The following IKZF1 variants were observed in gnomAD, a reference collection of about 807,000 sequenced individuals.
The protein encoded by IKZF1 is DNA-binding protein Ikaros.
In IKZF1, 10 loss-of-function variants were observed where a neutral mutation model predicts 51.7. The ratio of observed to expected loss-of-function variants is 0.19; its 90% CI spans 0.12 to 0.33. The LOEUF (loss-of-function observed/expected upper bound fraction) is 0.33, where lower values mean the gene tolerates loss of function less well. Among genes scored for constraint, IKZF1 ranks in the 10% least tolerant of loss-of-function variants. The probability of loss-of-function intolerance (pLI) is 1.00; values close to 1 mark genes in which losing one functional copy is unlikely to be tolerated. For missense variants in IKZF1, 484 were observed against 707.5 expected, an observed-to-expected ratio of 0.68 and a Z score of 3.58; for synonymous variants, 280 against 282.3, an observed-to-expected ratio of 0.99 and a Z score of 0.08.
intron 5 of IKZF1, among the ~76,000 whole-genome samples, chr7:50,385,859 C>G (rs575552753): frequency 2.6e-5 from 4 of 152,314 alleles, no homozygotes; most frequent in Admixed American, 2.0e-4. Context: ...GGGGGTACAT[C>G]ACTTTATATA....
intron 4 of IKZF1, among the ~76,000 whole-genome samples, chr7:50,378,425 T>C (rs1409101420): frequency 6.6e-6 from 1 of 152,176 alleles, no homozygotes; most frequent in Admixed American, 6.5e-5. Flanking sequence ...TACCCTGTGA[T>C]AGACACTTAA....
At chr7:50,310,715 G>A (rs996855124) in intron 1 of IKZF1, among the ~76,000 whole-genome samples, 11 of 152,194 alleles carry the variant, frequency 7.2e-5, no homozygotes. Flanking sequence ...GCAGAACAAA[G>A]TAGGAATCTA....
intron 3 of IKZF1, among the ~76,000 whole-genome samples, chr7:50,370,861 T>C (rs565679804): frequency 6.6e-6 from 1 of 152,346 alleles, no homozygotes; most frequent in African/African-American, 2.4e-5. Flanking sequence ...ACAAAATATT[T>C]ATAACTATCT....
intron 3 of IKZF1, among the ~76,000 whole-genome samples, chr7:50,344,917 G>A (rs1799979117): frequency 6.6e-6 from 1 of 151,898 alleles, no homozygotes; most frequent in South Asian, 2.1e-4. Context: ...AAAATAAAAT[G>A]TATCATCTAA....
chr7:50,327,998 A>AATC (rs1398799996), intron 3 of IKZF1: 7 of 479,244 alleles, frequency 1.5e-5, no homozygotes, highest in Non-Finnish European at 2.6e-5. Context: ...GTTGAGGAGC[A>AATC]ATCCTGCCCA....
At chr7:50,380,242 A>G (rs1240801586) in intron 4 of IKZF1, among the ~76,000 whole-genome samples, 1 of 152,218 alleles carries the variant, frequency 6.6e-6, no homozygotes, top group African/African-American at 2.4e-5. Context: ...TCATACCAGC[A>G]TAGGCACTCA....
intron 1 of IKZF1, among the ~76,000 whole-genome samples, chr7:50,311,419 T>A (rs550682000): frequency 5.3e-5 from 8 of 152,238 alleles, no homozygotes; most frequent in Non-Finnish European, 1.0e-4. Context: ...TCTAAATAAG[T>A]TGAGGAAAAT....
intron 3 of IKZF1, among the ~76,000 whole-genome samples, chr7:50,342,646 G>C (rs1799318823): frequency 6.7e-6 from 1 of 149,990 alleles, no homozygotes; most frequent in Non-Finnish European, 1.5e-5. Context: ...TGAAGGAAAG[G>C]CTTTTTTTTT....
intron 1 of IKZF1, among the ~76,000 whole-genome samples, chr7:50,316,034 A>G (rs191524388): frequency 3.2e-4 from 49 of 152,092 alleles, no homozygotes; most frequent in Admixed American, 3.1e-3. Flanking sequence ...ACAGTTTCTC[A>G]TTGTTTGATT....
At chr7:50,354,972 A>G (rs1420898716) in intron 3 of IKZF1, among the ~76,000 whole-genome samples, 1 of 152,146 alleles carries the variant, frequency 6.6e-6, no homozygotes, top group African/African-American at 2.4e-5. Flanking sequence ...ATGCGTGGCA[A>G]TGCCTTTTGT....
chr7:50,356,125 C>T (rs1803302316), intron 3 of IKZF1, among the ~76,000 whole-genome samples: 1 of 152,252 alleles, frequency 6.6e-6, no homozygotes, highest in Non-Finnish European at 1.5e-5. Context: ...AACGCATCTA[C>T]CCCGATAGAT....
chr7:50,334,474 T>TTG (rs1236356911), intron 3 of IKZF1, among the ~76,000 whole-genome samples: 15 of 152,018 alleles, frequency 9.9e-5, no homozygotes, highest in African/African-American at 2.4e-4. Flanking sequence ...TAGTTGTATG[T>TTG]TGTGTGTGTC....
At position 50,309,208 on chromosome 7, in the gene IKZF1, G is replaced by A. The variant is rs149212265; in HGVS notation, c.-15+4286G>A. On this transcript the variant is annotated intron_variant, in intron 1 of 7. Coordinates refer to ENST00000331340, the MANE Select transcript of IKZF1 (RefSeq NM_006060.6). ...GTGCTTTCTTCATATTTTCTCACTCGAGTGTGCAGTGATTCATTTTTCTTC... is the reference window on the plus strand; with the variant it reads ...GTGCTTTCTTCATATTTTCTCACTCAAGTGTGCAGTGATTCATTTTTCTTC... 5.3e-5 allele frequency among the ~76,000 whole-genome samples: 8 copies of A among 152,304 alleles called. No individual in the cohort carries two copies. In the East Asian group the frequency reaches 1.5e-3, roughly 29 times the overall value.
intron 5 of IKZF1, among the ~76,000 whole-genome samples, chr7:50,386,657 A>G (rs1278979145): frequency 6.6e-6 from 1 of 152,088 alleles, no homozygotes; most frequent in Non-Finnish European, 1.5e-5. Flanking sequence ...ACATATACAT[A>G]AAATAGAAAT....
At chr7:50,336,953 CAG>C (rs1335991658) in intron 3 of IKZF1, among the ~76,000 whole-genome samples, 193 of 152,214 alleles carry the variant, frequency 1.3e-3, no homozygotes, top group Non-Finnish European at 2.0e-3. Context: ...AAGAAGGAGA[CAG>C]AGTGAGTTGT....
intron 3 of IKZF1, among the ~76,000 whole-genome samples, chr7:50,363,395 T>C (rs1287941106): frequency 1.3e-5 from 2 of 151,990 alleles, no homozygotes; most frequent in African/African-American, 4.8e-5. Flanking sequence ...AAGAACGAGC[T>C]GGTGGAGTGG....
chr7:50,364,059 C>T (rs962479972), intron 3 of IKZF1, among the ~76,000 whole-genome samples: 2 of 152,172 alleles, frequency 1.3e-5, no homozygotes, highest in Non-Finnish European at 2.9e-5. Flanking sequence ...TTATAAATTT[C>T]TCCTAAATAC....
intron 3 of IKZF1, among the ~76,000 whole-genome samples, chr7:50,355,390 G>T (rs1562810517): frequency 6.6e-6 from 1 of 152,174 alleles, no homozygotes; most frequent in Non-Finnish European, 1.5e-5. Flanking sequence ...TATAAGGATG[G>T]GTTGGGGTAC....
Position 50,305,481 on chromosome 7 carries a change from T to G in IKZF1, c.-15+559T>G, listed in dbSNP as rs75766825. 2.4e-4 allele frequency among the ~76,000 whole-genome samples: 36 copies of G among 152,346 alleles called. No homozygotes were observed. In the East Asian group the frequency reaches 6.2e-3, roughly 26 times the overall value. On this transcript the variant is annotated intron_variant, in intron 1 of 7. Transcript: ENST00000331340. ...TTATATTTGAAATGTATTTTAAATA[T>G]TTGTCAAGCATCGCTGCTGATGCCT...
Sources: allele counts gnomAD v4.1 joint callset (sites outside exome capture counted in the v4.1 genomes callset), GRCh38; gene constraint gnomAD v4.1.1; transcripts MANE v1.5; gene names NCBI Gene and HGNC (gene_info 2026-07-23, HGNC 2026-07-21).